The following ZNF69 variants were observed in gnomAD, a reference collection of about 807,000 sequenced individuals.
The protein encoded by ZNF69 is zinc finger protein 69.
Under a neutral mutation model 50.9 loss-of-function variants are expected in ZNF69, and 47 were observed. The observed-to-expected ratio is 0.92, with a 90% CI of 0.73 to 1.18. The LOEUF is 1.18. ZNF69 is among the 50% of genes most tolerant of loss of function. ZNF69 has a pLI of 0.00. For missense variants in ZNF69, 717 were observed against 675.1 expected, an observed-to-expected ratio of 1.06 and a Z score of -0.69; for synonymous variants, 216 against 223.1, an observed-to-expected ratio of 0.97 and a Z score of 0.29.
downstream of ZNF69, among the ~76,000 whole-genome samples, chr19:11,916,096 C>T (rs1972519383): frequency 6.6e-6 from 1 of 152,116 alleles, no homozygotes; most frequent in South Asian, 2.1e-4. Flanking sequence ...TAGTTTTTGT[C>T]TTGGGGCTTT....
At chr19:11,968,452 G>A in the ZNF69 span, among the ~76,000 whole-genome samples, 25 of 152,042 alleles carry the variant, frequency 1.6e-4, no homozygotes, top group African/African-American at 5.6e-4. Flanking sequence ...ATGTTGCTCA[G>A]GCTGGTCTCT....
the ZNF69 span, among the ~76,000 whole-genome samples, chr19:11,922,550 T>A: frequency 6.6e-6 from 1 of 152,222 alleles, no homozygotes; most frequent in African/African-American, 2.4e-5. Context: ...ACTTAATGAT[T>A]AATGCTGAAG....
chr19:11,922,638 A>G, the ZNF69 span, among the ~76,000 whole-genome samples: 7 of 140,492 alleles, frequency 5.0e-5, no homozygotes, highest in African/African-American at 1.9e-4. Context: ...TGGTTTCACC[A>G]GGGGCCTTTT....
At chr19:11,979,338 T>C in the ZNF69 span, 4 of 1,607,032 alleles carry the variant, frequency 2.5e-6, no homozygotes, top group Admixed American at 6.7e-5. Flanking sequence ...ATGGTAGGAC[T>C]CACTGGAGAG....
the ZNF69 span, chr19:11,979,685 G>A: frequency 2.5e-6 from 4 of 1,576,796 alleles, no homozygotes; most frequent in Non-Finnish European, 2.6e-6. Context: ...AATGCATGCT[G>A]GGACTCACCC....
At chr19:11,923,817 AG>A in the ZNF69 span, among the ~76,000 whole-genome samples, 1 of 152,218 alleles carries the variant, frequency 6.6e-6, no homozygotes, top group Non-Finnish European at 1.5e-5. Context: ...AATAACCTGC[AG>A]GGGGCAGCAG....
At chr19:11,904,500 G>T in intron 3 of ZNF69, 149 bp from the exon 4 acceptor site, 1 of 1,149,226 alleles carries the variant, frequency 8.7e-7, no homozygotes. Context: ...CTTGTACAAT[G>T]GGTTGTCCAG....
At chr19:11,893,461 A>G (rs1423813136) in intron 1 of ZNF69, among the ~76,000 whole-genome samples, 4 of 152,192 alleles carry the variant, frequency 2.6e-5, no homozygotes, top group Admixed American at 2.6e-4. Context: ...TGAACATTTC[A>G]CATGAGAGGA....
chr19:11,974,106 TTTC>T, the ZNF69 span, among the ~76,000 whole-genome samples: 4,310 of 101,822 alleles, frequency 0.042, 86 homozygotes, highest in Non-Finnish European at 0.052. Flanking sequence ...TCTTTCTTTC[TTTC>T]TTTCTTTCTT....
In ZNF69 at chr19:11,913,407, A is replaced by G; in HGVS notation, c.449-2A>G. On this transcript the variant is annotated splice_acceptor_variant, in intron 4 of 4. Coordinates refer to the ZNF69 transcript ENST00000340180. LOFTEE classifies it high-confidence loss of function. ...ATTTTTCTTATCTTTTTTTTTTTCC[A>G]GAAAAAAATCTCACTCTGTCACCCA... The G allele has an allele frequency of 1.8e-6, 1 of 560,458 alleles. No homozygotes were observed. Among genetic ancestry groups the G allele is most frequent in the Non-Finnish European group, 3.2e-6 (1 of 311,354 alleles). The allele number at this position is 560,458 out of a possible 1,614,324, so 34.7% of individuals were successfully genotyped here. A position where few individuals can be genotyped will look rare whatever the true frequency, so the allele number is the denominator to read the frequency against.
the ZNF69 span, chr19:11,948,457 A>G: frequency 6.8e-6 from 11 of 1,614,036 alleles, no homozygotes; most frequent in Admixed American, 1.7e-5. Context: ...TAATATGAGC[A>G]TCAGAGGTGA....
At chr19:11,950,284 C>T in the ZNF69 span, 7 of 1,585,050 alleles carry the variant, frequency 4.4e-6, no homozygotes, top group Non-Finnish European at 6.0e-6. Flanking sequence ...TGAATAGACT[C>T]ACACTGGAAG....
Position 11,906,203 on chromosome 19 carries a change from A to G in ZNF69, c.*105A>G, listed in dbSNP as rs1237749472. On this transcript the variant is annotated 3_prime_UTR_variant, in exon 4 of 4. Coordinates refer to ENST00000429654, the MANE Select transcript of ZNF69 (RefSeq NM_001364730.1). ...TGTGGGAAACCCTTCAGGTCTGCCC[A>G]GAACCTTCGAATTCAGTAAAGGACA... 3.3e-6 allele frequency: 5 copies of G among 1,537,066 alleles called. No homozygotes were observed. The highest frequency in any genetic ancestry group is 1.3e-5 in the South Asian group (1 of 75,816).
the ZNF69 span, among the ~76,000 whole-genome samples, chr19:11,951,495 C>G: frequency 6.6e-6 from 1 of 152,032 alleles, no homozygotes; most frequent in Non-Finnish European, 1.5e-5. Context: ...TCCTAAAGTA[C>G]TGGGATTACA....
At chr19:11,933,066 A>G in the ZNF69 span, among the ~76,000 whole-genome samples, 1 of 148,254 alleles carries the variant, frequency 6.7e-6, no homozygotes, top group Non-Finnish European at 1.5e-5. Flanking sequence ...CAAAACATTG[A>G]GCAGATAATC....
the ZNF69 span, among the ~76,000 whole-genome samples, chr19:11,937,188 G>A: frequency 2.8e-4 from 42 of 152,254 alleles, no homozygotes; most frequent in South Asian, 4.2e-3. Context: ...CAAGTGTTAC[G>A]TTCTAGAAGT....
intron 1 of ZNF69, among the ~76,000 whole-genome samples, chr19:11,890,972 G>A (rs1977071557): frequency 6.6e-6 from 1 of 152,114 alleles, no homozygotes; most frequent in South Asian, 2.1e-4. Context: ...AAAAAAAACA[G>A]ACTCCAGAGA....
rs1972342900 is a variant in ZNF69 at position 11,905,285 on chromosome 19, G to A, written c.888G>A (p.Arg296=). Residue 296 remains arginine (R), a synonymous_variant, in exon 4 of 4, where the codon AGG becomes AGA. Coordinates refer to ENST00000429654, the MANE Select transcript of ZNF69 (RefSeq NM_001364730.1). Reference sequence around the variant, plus strand: ...CCAGATGCTATCGTAGACATGAAAGGATTCACACGGGAGAGAAGGCTTATC... The same window carrying A: ...CCAGATGCTATCGTAGACATGAAAGAATTCACACGGGAGAGAAGGCTTATC... ...HSPRCYRRHE[R]IHTGEKAYQC... 6.2e-7 allele frequency: 1 copy of A among 1,614,012 alleles called. No individual in the cohort carries two copies. The highest frequency in any genetic ancestry group is 1.3e-5 in the African/African-American group (1 of 74,910).
chr19:11,949,602 T>C, the ZNF69 span: 1 of 1,612,998 alleles, frequency 6.2e-7, no homozygotes, highest in Non-Finnish European at 8.5e-7. Context: ...TTCAAACACA[T>C]GAAAAAACTC....
Sources: allele counts gnomAD v4.1 joint callset (sites outside exome capture counted in the v4.1 genomes callset), GRCh38; gene constraint gnomAD v4.1.1; transcripts MANE v1.5; gene names NCBI Gene and HGNC (gene_info 2026-07-23, HGNC 2026-07-21).